Variants in TMEM131L observed in about 807,000 individuals in gnomAD.
TMEM131L encodes the protein transmembrane 131 like, also known as transmembrane protein 131-like.
A neutral mutation model predicts 192.2 loss-of-function variants in TMEM131L; 54 were observed. The observed-to-expected ratio is 0.28, with a 90% CI of 0.23 to 0.35. The LOEUF is 0.35. Among genes scored for constraint, TMEM131L ranks in the 10% least tolerant of loss-of-function variants. The pLI is 1.00. For missense variants in TMEM131L, 1,888 were observed against 1,972.9 expected, an observed-to-expected ratio of 0.96 and a Z score of 0.82; for synonymous variants, 701 against 704.9, an observed-to-expected ratio of 0.99 and a Z score of 0.09.
In TMEM131L at chr4:153,555,806, G is replaced by T; in HGVS notation, c.328G>T (p.Ala110Ser). Reference sequence around the variant, plus strand: ...TCCTAGGTTCCTGGGACATCCTGTAGCAAAGATTCTCCATGCTTACAACCC... The same window carrying T: ...TCCTAGGTTCCTGGGACATCCTGTATCAAAGATTCTCCATGCTTACAACCC... ...FGIQFLGHPV[A>S]KILHAYNPSR... Residue 110 changes from alanine to serine, a missense_variant, in exon 5 of 35, where the codon GCA becomes TCA. Transcript: ENST00000409959. The surrounding 1 kb of genome is among the most constrained non-coding windows in gnomAD (Gnocchi z 4.1). 6.4e-7 allele frequency: 1 copy of T among 1,551,430 alleles called. No individual in the cohort carries two copies.
chr4:153,480,288 G>A (rs544777789), intron 3 of TMEM131L, among the ~76,000 whole-genome samples: 219 of 152,262 alleles, frequency 1.4e-3, no homozygotes, highest in Non-Finnish European at 2.3e-3. Flanking sequence ...GCAGCGAGCC[G>A]AGATCGCGCC....
rs906999638 is a variant in TMEM131L, at chr4:153,615,740, C to T, written c.3567+3340C>T. 3.9e-5 allele frequency among the ~76,000 whole-genome samples: 6 copies of T among 152,074 alleles called. No individual in the cohort carries two copies. In the South Asian group the frequency reaches 6.2e-4, roughly 16 times the overall value. On this transcript the variant is annotated intron_variant, in intron 26 of 34. Transcript: ENST00000409959. ...TGCACTGACTCCAGCAGATACATAG[C>T]GTTGTGTGCTGGGAGGAGAGGCTGG...
In TMEM131L at chr4:153,636,344, T is replaced by A; in HGVS notation, c.4601T>A (p.Leu1534His). Residue 1534 changes from leucine to histidine, a missense_variant, in exon 35 of 35, where the codon CTT (leucine) becomes CAT (histidine). Coordinates refer to ENST00000409959, the MANE Select transcript of TMEM131L (RefSeq NM_001131007.2). ...CGAAGCTTGTCTCCAATGTCTGGAC[T>A]TTTTGGTTCCATCTGGGCCCCGCAA... ...STRSLSPMSG[L>H]FGSIWAPQSD... The A allele has an allele frequency of 1.9e-6, 3 of 1,614,188 alleles. No individual in the cohort carries two copies. Among genetic ancestry groups the A allele is most frequent in the Non-Finnish European group, 2.5e-6 (3 of 1,179,992 alleles).
In TMEM131L at chr4:153,550,058, C is replaced by T. The variant is rs778559058; in HGVS notation, c.240-15C>T. The T allele has an allele frequency of 7.2e-7, 1 of 1,389,942 alleles. No homozygotes were observed. Among genetic ancestry groups the T allele is most frequent in the South Asian group, 1.4e-5 (1 of 68,972 alleles). 86.1% of individuals were successfully genotyped at this position (1,389,942 alleles called of 1,614,324 possible). On this transcript the variant is annotated splice_polypyrimidine_tract_variant and intron_variant, in intron 3 of 34. Coordinates refer to ENST00000409959, the MANE Select transcript of TMEM131L (RefSeq NM_001131007.2). ...TAAAACTACAACAAAATCAACCTCT[C>T]TTTTCTTTTTTTAGCTTCTCGGACA...
At chr4:153,470,525 A>G (rs184449510) in intron 2 of TMEM131L, among the ~76,000 whole-genome samples, 2 of 152,336 alleles carry the variant, frequency 1.3e-5, no homozygotes, top group Non-Finnish European at 2.9e-5. Flanking sequence ...TCATGAGAGG[A>G]AGGAGGAAAA....
intron 28 of TMEM131L, 25 bp downstream of exon 28, chr4:153,621,874 A>G: frequency 6.2e-7 from 1 of 1,609,168 alleles, no homozygotes; most frequent in Non-Finnish European, 8.5e-7. Context: ...TGAGCTACAA[A>G]TGGTGCTTCT....
intron 3 of TMEM131L, among the ~76,000 whole-genome samples, chr4:153,492,487 G>A (rs1263044387): frequency 5.3e-5 from 8 of 152,156 alleles, no homozygotes; most frequent in South Asian, 2.1e-4. Context: ...AATCATAGGC[G>A]GAATCTCAAG....
intron 3 of TMEM131L, among the ~76,000 whole-genome samples, chr4:153,522,473 C>A (rs1260268700): frequency 6.6e-6 from 1 of 151,968 alleles, no homozygotes; most frequent in Admixed American, 6.6e-5. Context: ...GAGGGACCGC[C>A]CTCTGGGCTC....
At chr4:153,573,233 C>T (rs531985068) in intron 7 of TMEM131L, among the ~76,000 whole-genome samples, 1 of 152,248 alleles carries the variant, frequency 6.6e-6, no homozygotes, top group Non-Finnish European at 1.5e-5. Context: ...GGAACCACCA[C>T]AGCGTCCTTT....
intron 3 of TMEM131L, among the ~76,000 whole-genome samples, chr4:153,494,040 G>A (rs1038352693): frequency 6.6e-6 from 1 of 152,012 alleles, no homozygotes; most frequent in African/African-American, 2.4e-5. Context: ...TGTGGGTAAG[G>A]ACCTGGGCTC....
chr4:153,626,460 T>TAG (rs1429252701), intron 30 of TMEM131L, among the ~76,000 whole-genome samples: 24 of 152,022 alleles, frequency 1.6e-4, no homozygotes, highest in Non-Finnish European at 3.1e-4. Flanking sequence ...CGTTGGAAAA[T>TAG]ACCTAAGTTT....
At chr4:153,623,909 T>A (rs1482427519) in intron 29 of TMEM131L, among the ~76,000 whole-genome samples, 1 of 152,266 alleles carries the variant, frequency 6.6e-6, no homozygotes, top group East Asian at 1.9e-4. Flanking sequence ...GCTTTTTTTT[T>A]TTTAAATCAT....
At chr4:153,631,014 G>C (rs1257255741) in intron 31 of TMEM131L, among the ~76,000 whole-genome samples, 1 of 152,248 alleles carries the variant, frequency 6.6e-6, no homozygotes, top group African/African-American at 2.4e-5. Flanking sequence ...CTAAACCATT[G>C]GCAATAGCCT....
At chr4:153,623,731 A>G (rs1733619932) in intron 29 of TMEM131L, among the ~76,000 whole-genome samples, 1 of 152,200 alleles carries the variant, frequency 6.6e-6, no homozygotes, top group Admixed American at 6.5e-5. Flanking sequence ...ATGTGCAGAC[A>G]CTTGGATGAT....
intron 10 of TMEM131L, 42 bp from the exon 11 acceptor site, chr4:153,583,522 C>T (rs1484212951): frequency 2.3e-6 from 3 of 1,306,170 alleles, no homozygotes; most frequent in Non-Finnish European, 3.3e-6. Context: ...TAAATACTCT[C>T]CCAGCTGAGA....
At chr4:153,529,669 T>C (rs1301864825) in intron 3 of TMEM131L, among the ~76,000 whole-genome samples, 1 of 152,202 alleles carries the variant, frequency 6.6e-6, no homozygotes, top group African/African-American at 2.4e-5. Flanking sequence ...TTTAAGGGTA[T>C]GTGTACGTTT....
At chr4:153,474,666 C>T (rs185275299) in intron 3 of TMEM131L, among the ~76,000 whole-genome samples, 2 of 152,330 alleles carry the variant, frequency 1.3e-5, no homozygotes, top group African/African-American at 4.8e-5. Context: ...AGCAATTCTC[C>T]TGCCTCAGCC....
At chr4:153,591,527 A>T (rs945290729) in intron 17 of TMEM131L, among the ~76,000 whole-genome samples, 6 of 152,206 alleles carry the variant, frequency 3.9e-5, no homozygotes, top group Non-Finnish European at 5.9e-5. Flanking sequence ...GCTCTCTGTG[A>T]TGCCATCAGG....
At chr4:153,494,899 G>T (rs1174783600) in intron 3 of TMEM131L, among the ~76,000 whole-genome samples, 1 of 152,230 alleles carries the variant, frequency 6.6e-6, no homozygotes, top group African/African-American at 2.4e-5. Context: ...CTCCTGCTCT[G>T]CCGGGTGTTC....
Sources: gnomAD v4.1 joint callset for allele counts (sites outside exome capture counted in the v4.1 genomes callset) on GRCh38, gnomAD v4.1.1 for gene constraint, Gnocchi (gnomAD v3.1) non-coding constraint, MANE v1.5 for transcripts, NCBI Gene and HGNC (gene_info 2026-07-23, HGNC 2026-07-21) for gene names.